Variants in CHRM3 observed in about 807,000 individuals in gnomAD.
CHRM3 encodes cholinergic receptor muscarinic 3.
Under a neutral mutation model 41.8 loss-of-function variants are expected in CHRM3, and 11 were observed. The ratio of observed to expected loss-of-function variants is 0.26; its 90% CI spans 0.17 to 0.44. CHRM3 has a LOEUF of 0.44. CHRM3 is among the 20% of genes least tolerant of loss of function. CHRM3 has a pLI of 1.00. For missense variants in CHRM3, 571 were observed against 745.4 expected, an observed-to-expected ratio of 0.77 and a Z score of 2.72; for synonymous variants, 297 against 301.4, an observed-to-expected ratio of 0.99 and a Z score of 0.15.
intron 5 of CHRM3, among the ~76,000 whole-genome samples, chr1:239,791,691 A>C (rs530598730): frequency 9.2e-5 from 14 of 152,324 alleles, no homozygotes; most frequent in African/African-American, 3.4e-4. Flanking sequence ...AGAGCTTGAG[A>C]AAAAAGAAAA....
chr1:239,571,167 G>A lies in CHRM3; in HGVS notation c.-313+25418G>A, dbSNP rs555791886. ...AATAATGGAGATTAAGTGGCTGCCA[G>A]TTAAAAAGGTGACCAGGCCCAAGAT... is the stretch of plus-strand genomic sequence containing the variant. On this transcript the variant is annotated intron_variant, in intron 3 of 6. Coordinates refer to ENST00000676153, the MANE Select transcript of CHRM3 (RefSeq NM_001375978.1). Among the ~76,000 whole-genome samples, 39 of 152,272 alleles carry A rather than the reference G, an allele frequency of 2.6e-4. 1 individual carries two copies. Among genetic ancestry groups the A allele is most frequent in the Admixed American group, 1.5e-3 (23 of 15,278 alleles).
chr1:239,637,974 C>T (rs1172883236), intron 4 of CHRM3, among the ~76,000 whole-genome samples: 1 of 139,100 alleles, frequency 7.2e-6, no homozygotes, highest in Non-Finnish European at 1.5e-5. Flanking sequence ...CACGTGTTCT[C>T]ATTGTTCAAT....
At chr1:239,550,636 G>A (rs1160854200) in intron 3 of CHRM3, among the ~76,000 whole-genome samples, 1 of 152,150 alleles carries the variant, frequency 6.6e-6, no homozygotes, top group Non-Finnish European at 1.5e-5. Context: ...AAAATGAAAA[G>A]TGGCAAATTT....
At chr1:239,600,621 T>C (rs1665401573) in intron 3 of CHRM3, among the ~76,000 whole-genome samples, 1 of 152,076 alleles carries the variant, frequency 6.6e-6, no homozygotes, top group African/African-American at 2.4e-5. Flanking sequence ...GACTCACATG[T>C]GCAACAACCT....
intron 1 of CHRM3, among the ~76,000 whole-genome samples, chr1:239,468,653 A>G (rs1665900805): frequency 1.3e-5 from 2 of 152,212 alleles, no homozygotes; most frequent in Non-Finnish European, 2.9e-5. Context: ...GACATATTGA[A>G]ATTTAAAACA....
At chr1:239,780,923 A>G (rs1668467186) in intron 5 of CHRM3, among the ~76,000 whole-genome samples, 1 of 152,004 alleles carries the variant, frequency 6.6e-6, no homozygotes, top group Non-Finnish European at 1.5e-5. Flanking sequence ...AGATCGGTTC[A>G]CTATATTCAT....
intron 6 of CHRM3, among the ~76,000 whole-genome samples, chr1:239,894,226 A>G (rs770301953): frequency 2.5e-4 from 38 of 152,244 alleles, no homozygotes; most frequent in Non-Finnish European, 4.8e-4. Context: ...AAAGCTTTTG[A>G]TATTGTCTTC....
chr1:239,598,473 T>A (rs1665079119), intron 3 of CHRM3, among the ~76,000 whole-genome samples: 1 of 152,148 alleles, frequency 6.6e-6, no homozygotes, highest in African/African-American at 2.4e-5. Context: ...TATAAATGCC[T>A]TTATAATTGT....
chr1:239,782,170 A>G (rs1668553780), intron 5 of CHRM3, among the ~76,000 whole-genome samples: 1 of 152,096 alleles, frequency 6.6e-6, no homozygotes, highest in Non-Finnish European at 1.5e-5. Context: ...GCTGAAAGTG[A>G]TCATAGAGAA....
At chr1:239,852,492 T>C (rs1263971792) in intron 6 of CHRM3, among the ~76,000 whole-genome samples, 1 of 152,174 alleles carries the variant, frequency 6.6e-6, no homozygotes, top group Non-Finnish European at 1.5e-5. Context: ...ATACAAGCAA[T>C]ACAATGCCCT....
At chr1:239,873,821 T>A (rs947405435) in intron 6 of CHRM3, among the ~76,000 whole-genome samples, 14 of 152,100 alleles carry the variant, frequency 9.2e-5, no homozygotes, top group Admixed American at 8.5e-4. Flanking sequence ...CTCCTGATAC[T>A]TGCTTTTGCT....
chr1:239,859,073 T>C (rs997138165), intron 6 of CHRM3, among the ~76,000 whole-genome samples: 5 of 152,182 alleles, frequency 3.3e-5, no homozygotes, highest in African/African-American at 1.2e-4. Context: ...AAGTTTCAGG[T>C]AGACATATGT....
At chr1:239,556,948 G>T (rs1049889031) in intron 3 of CHRM3, among the ~76,000 whole-genome samples, 3 of 152,122 alleles carry the variant, frequency 2.0e-5, no homozygotes, top group Non-Finnish European at 4.4e-5. Context: ...GGGGACATTA[G>T]TTACAAGCTT....
At position 239,912,020 on chromosome 1, in the gene CHRM3, G is replaced by A. The variant is rs1176069698; in HGVS notation, c.*2796G>A. The A allele has an allele frequency of 1.2e-5, 2 of 167,140 alleles. No homozygotes were observed. 10.4% of individuals were successfully genotyped at this position (167,140 alleles called of 1,614,324 possible). On this transcript the variant is annotated 3_prime_UTR_variant, in exon 7 of 7. Coordinates refer to ENST00000676153, the MANE Select transcript of CHRM3 (RefSeq NM_001375978.1). Reference sequence around the variant, plus strand: ...ATGTCTTCATCCCAAATTGGGAATCGAATTATTTCATGCCATATGCATGAG... The same window carrying A: ...ATGTCTTCATCCCAAATTGGGAATCAAATTATTTCATGCCATATGCATGAG...
intron 3 of CHRM3, among the ~76,000 whole-genome samples, chr1:239,611,195 C>A (rs1249758052): frequency 6.6e-6 from 1 of 152,030 alleles, no homozygotes; most frequent in Non-Finnish European, 1.5e-5. Context: ...ATTTCCCTTT[C>A]TGAGCAATGA....
chr1:239,691,109 T>G (rs540799128), intron 5 of CHRM3, among the ~76,000 whole-genome samples: 13 of 152,124 alleles, frequency 8.5e-5, no homozygotes, highest in Non-Finnish European at 1.8e-4. Context: ...GAGCTCTTCC[T>G]GCTGCTGGGG....
intron 5 of CHRM3, among the ~76,000 whole-genome samples, chr1:239,691,595 C>T (rs988087898): frequency 6.6e-6 from 1 of 152,140 alleles, no homozygotes; most frequent in African/African-American, 2.4e-5. Flanking sequence ...GCCCTCACGC[C>T]TATCTGGAGA....
chr1:239,836,050 G>A (rs1438539050), intron 6 of CHRM3, among the ~76,000 whole-genome samples: 5 of 152,354 alleles, frequency 3.3e-5, no homozygotes, highest in African/African-American at 1.2e-4. Context: ...CGTTCTGTGG[G>A]GATGCAGCTG....
chr1:239,509,158 G>T (rs1301784008), intron 2 of CHRM3, among the ~76,000 whole-genome samples: 1 of 152,256 alleles, frequency 6.6e-6, no homozygotes, highest in East Asian at 1.9e-4. Context: ...TTACTTTCTT[G>T]ATTTAGCTAA....
Sources: allele counts gnomAD v4.1 joint callset (sites outside exome capture counted in the v4.1 genomes callset), GRCh38; gene constraint gnomAD v4.1.1; transcripts MANE v1.5; gene names NCBI Gene and HGNC (gene_info 2026-07-23, HGNC 2026-07-21).